The following TRIOBP variants were observed in gnomAD, a reference collection of about 807,000 sequenced individuals.
TRIOBP encodes TRIO and F-actin binding protein.
In TRIOBP, 169 loss-of-function variants were observed where a neutral mutation model predicts 238.8. That is an observed-to-expected ratio of 0.71 (90% CI 0.62 to 0.80). The LOEUF (loss-of-function observed/expected upper bound fraction) is 0.80, where lower values mean the gene tolerates loss of function less well. TRIOBP is among the 30% of genes least tolerant of loss of function. The pLI, the probability that TRIOBP is intolerant of heterozygous loss-of-function variation, is 0.00. For missense variants in TRIOBP, 2,838 were observed against 3,122.6 expected, an observed-to-expected ratio of 0.91 and a Z score of 2.17; for synonymous variants, 1,150 against 1,274.4, an observed-to-expected ratio of 0.90 and a Z score of 2.08.
chr22:37,698,354 CTTTTTTT>C (rs1175913171), intron 2 of TRIOBP, among the ~76,000 whole-genome samples: 4 of 57,930 alleles, frequency 6.9e-5, no homozygotes, highest in African/African-American at 1.4e-4. Context: ...CTGCAAGAGC[CTTTTTTT>C]TTTTTTTTTT....
In TRIOBP at chr22:37,734,369, GCCTCACCTACCC is replaced by G. The variant is rs1337418049; in HGVS notation, c.4063-21_4063-10del. 3 of 1,601,850 alleles carry G rather than the reference GCCTCACCTACCC, an allele frequency of 1.9e-6. No individual in the cohort carries two copies. The highest frequency in any genetic ancestry group is 3.4e-5 in the Admixed American group (2 of 59,572). On this transcript the variant is annotated intron_variant, in intron 8 of 23. Coordinates refer to ENST00000644935, the MANE Select transcript of TRIOBP (RefSeq NM_001039141.3). Reference sequence around the variant, plus strand: ...TGGCAGCCAGGTCCCCAGAGAGAGAGCCTCACCTACCCCCTCACCTCATCCCCAGGTGACCAT... The same window carrying G: ...TGGCAGCCAGGTCCCCAGAGAGAGAGCCTCACCTCATCCCCAGGTGACCAT...
chr22:37,720,719 C>T (rs1470471884), intron 6 of TRIOBP, among the ~76,000 whole-genome samples: 1 of 151,968 alleles, frequency 6.6e-6, no homozygotes, highest in African/African-American at 2.4e-5. Context: ...CACTATGTTG[C>T]CCAGGCTGGT....
At chr22:37,763,856 C>T (rs1291249153) in intron 17 of TRIOBP, among the ~76,000 whole-genome samples, 3 of 152,228 alleles carry the variant, frequency 2.0e-5, no homozygotes, top group Non-Finnish European at 4.4e-5. Flanking sequence ...TGCCGCGCTG[C>T]AGCCAAGGCG....
At position 37,726,319 on chromosome 22, in the gene TRIOBP, T is replaced by C. The variant is rs763900032; in HGVS notation, c.3763T>C (p.Ser1255Pro). The C allele has an allele frequency of 2.5e-6, 4 of 1,612,404 alleles. No homozygotes were observed. In the South Asian group the frequency reaches 4.4e-5, roughly 18 times the overall value. ...SPGSSGGSRG[S>P]APPGETRHNL... ...GGGCAGCTCTGGGGGCTCCCGGGGC[T>C]CAGCGCCTCCCGGGGAGACCAGGCA... Residue 1255 changes from serine to proline, a missense_variant, in exon 7 of 24, where the codon TCA (serine) becomes CCA (proline). By Grantham distance (74) the Ser-to-Pro change is moderately conservative. Around this residue, in one of 5 missense-constraint regions of TRIOBP, gnomAD observed 2,096 missense variants for 2,137.4 expected, o/e 0.98. Coordinates refer to ENST00000644935, the MANE Select transcript of TRIOBP (RefSeq NM_001039141.3).
At position 37,772,769 on chromosome 22, in the gene TRIOBP, A is replaced by C. The variant is rs746511251; in HGVS notation, c.*2+5A>C. ...CAACAGCCTGGCTGAGTAGAGGTGG[A>C]TGCCGAGGCGTGTGCCCTGCAGGGT... On this transcript the variant is annotated splice_donor_5th_base_variant and intron_variant, in intron 23 of 23. Coordinates refer to ENST00000644935, the MANE Select transcript of TRIOBP (RefSeq NM_001039141.3). 1 of 1,612,324 alleles carries C rather than the reference A, an allele frequency of 6.2e-7. No homozygotes were observed. Among genetic ancestry groups the C allele is most frequent in the Non-Finnish European group, 8.5e-7 (1 of 1,179,874 alleles).
At chr22:37,770,220 C>T (rs1367122703) in intron 21 of TRIOBP, among the ~76,000 whole-genome samples, 2 of 149,460 alleles carry the variant, frequency 1.3e-5, no homozygotes, top group African/African-American at 2.5e-5. Context: ...GGGCAGATCA[C>T]GAGGTAGGAG....
chr22:37,757,676 G>T lies in TRIOBP; in HGVS notation c.5751G>T (p.Lys1917Asn). 6.3e-7 allele frequency: 1 copy of T among 1,590,682 alleles called. No homozygotes were observed. ...HSYSTQKGPL[K>N]AGEQRAGSEV... ...ACAGCACCCAGAAGGGCCCCCTGAA[G>T]GCAGGGGAGCAGCGGGCGGGCTCTG... The change falls in exon 16 of 24, where the codon AAG (lysine) becomes AAT (asparagine). Residue 1917 changes from lysine (K) to asparagine (N), a missense_variant. By Grantham distance (94) the Lys-to-Asn change is moderately conservative. Around this residue, in one of 5 missense-constraint regions of TRIOBP, gnomAD observed 2,096 missense variants for 2,137.4 expected, o/e 0.98. Transcript: ENST00000644935.
At position 37,717,552 on chromosome 22, in the gene TRIOBP, C is replaced by G. The variant is rs1003256941; in HGVS notation, c.628+1618C>G. On this transcript the variant is annotated intron_variant, in intron 6 of 23. Transcript: ENST00000644935. ...GTTCTCCACATCCCCACTAGATTAG[C>G]TAGATACAGTGTCCACACAAAGGTT... Among the ~76,000 whole-genome samples, 20 of 152,188 alleles carry G rather than the reference C, an allele frequency of 1.3e-4. 1 individual carries two copies. The highest frequency in any genetic ancestry group is 2.9e-4 in the Non-Finnish European group (20 of 68,030).
chr22:37,750,135 A>G (rs145487134), intron 11 of TRIOBP, among the ~76,000 whole-genome samples: 1 of 152,306 alleles, frequency 6.6e-6, no homozygotes, highest in African/African-American at 2.4e-5. Flanking sequence ...CATTTGCCAC[A>G]TCAGGCAGCC....
chr22:37,771,548 A>T, intron 21 of TRIOBP, 102 bp from the exon 22 acceptor site: 1 of 1,036,298 alleles, frequency 9.6e-7, no homozygotes, highest in Non-Finnish European at 1.5e-6. Flanking sequence ...TAGGGGCTGC[A>T]TTCTAGGGGC....
intron 7 of TRIOBP, 108 bp downstream of exon 7, chr22:37,726,611 C>A: frequency 8.5e-7 from 1 of 1,175,514 alleles, no homozygotes; most frequent in Non-Finnish European, 1.1e-6. Flanking sequence ...CCCTGGCTTG[C>A]CATTTACCGG....
intron 6 of TRIOBP, among the ~76,000 whole-genome samples, chr22:37,721,776 C>A (rs1185204597): frequency 6.6e-6 from 1 of 152,208 alleles, no homozygotes; most frequent in Non-Finnish European, 1.5e-5. Flanking sequence ...CCACCACACC[C>A]ATAGTTGTGG....
intron 12 of TRIOBP, among the ~76,000 whole-genome samples, chr22:37,753,194 A>G (rs1925713231): frequency 6.6e-6 from 1 of 152,238 alleles, no homozygotes; most frequent in Admixed American, 6.5e-5. Context: ...GCCAAGGGCC[A>G]TGACAGCCAT....
intron 18 of TRIOBP, among the ~76,000 whole-genome samples, chr22:37,767,236 G>A (rs942450200): frequency 1.2e-5 from 1 of 82,712 alleles, no homozygotes; most frequent in African/African-American, 3.3e-5. Context: ...GGGTGACAGA[G>A]TGAGACTCCG....
Position 37,741,015 on chromosome 22 carries a change from G to A in TRIOBP, c.5305G>A (p.Val1769Ile), listed in dbSNP as rs995796550. The change falls in exon 11 of 24, where the codon GTC becomes ATC. Residue 1769 changes from valine (V) to isoleucine (I), a missense_variant. Val to Ile is a conservative substitution (Grantham distance 29). Around this residue, in one of 5 missense-constraint regions of TRIOBP, gnomAD observed 2,096 missense variants for 2,137.4 expected, o/e 0.98. Coordinates refer to ENST00000644935, the MANE Select transcript of TRIOBP (RefSeq NM_001039141.3). ...CAATCCGTTCCTGCTGTCTCTGGGG[G>A]TCCTCAGGTGGCGAAGGGTAGGCTG... ...LFNPFLLSLG[V>I]LRWRRPDLLN... is the part of the protein sequence containing the mutation. 7.7e-6 allele frequency: 12 copies of A among 1,562,102 alleles called. No individual in the cohort carries two copies. Among genetic ancestry groups the A allele is most frequent in the Non-Finnish European group, 1.0e-5 (12 of 1,152,624 alleles).
chr22:37,759,221 G>T lies in TRIOBP; in HGVS notation c.6281G>T (p.Arg2094Ile), dbSNP rs1926108198. ...GGGGAGGCTCCTCAGAGTGCACTGA[G>T]ATCCCAGGAGGATGGCCACATCCCC... is the stretch of plus-strand genomic sequence containing the variant. ...LQGEAPQSAL[R>I]SQEDGHIPPG... is the part of the protein sequence containing the mutation. Residue 2094 changes from arginine to isoleucine, a missense_variant, in exon 17 of 24, where the codon AGA becomes ATA. Around this residue, in one of 5 missense-constraint regions of TRIOBP, gnomAD observed 2,096 missense variants for 2,137.4 expected, o/e 0.98. Coordinates refer to ENST00000644935, the MANE Select transcript of TRIOBP (RefSeq NM_001039141.3). 3.1e-6 allele frequency: 5 copies of T among 1,613,108 alleles called. No individual in the cohort carries two copies. In the East Asian group the frequency reaches 1.1e-4, roughly 36 times the overall value.
intron 17 of TRIOBP, 192 bp downstream of exon 17, chr22:37,759,456 C>A (rs747170301): frequency 6.9e-5 from 103 of 1,487,492 alleles, no homozygotes; most frequent in Non-Finnish European, 9.5e-5. Context: ...ACAGACAAGG[C>A]CACTGAGCTC....
rs1159512184 is a variant in TRIOBP, at chr22:37,757,703, G to A, written c.5778G>A (p.Glu1926=). 2 of 1,583,574 alleles carry A rather than the reference G, an allele frequency of 1.3e-6. No individual in the cohort carries two copies. The highest frequency in any genetic ancestry group is 1.7e-6 in the Non-Finnish European group (2 of 1,166,094). The change falls in exon 16 of 24, where the codon GAG becomes GAA. Residue 1926 remains glutamate, a synonymous_variant. Coordinates refer to ENST00000644935, the MANE Select transcript of TRIOBP (RefSeq NM_001039141.3). ...CAGGGGAGCAGCGGGCGGGCTCTGA[G>A]GTCATCAGCCGGGGTGGCCCTCGGA... ...LKAGEQRAGS[E]VISRGGPRKA...
intron 3 of TRIOBP, among the ~76,000 whole-genome samples, chr22:37,707,999 C>CT (rs1201672775): frequency 6.6e-6 from 1 of 150,646 alleles, no homozygotes; most frequent in Non-Finnish European, 1.5e-5. Context: ...GTAATCCCAG[C>CT]ACTTTGGGAG....
Sources: gnomAD v4.1 joint callset for allele counts (sites outside exome capture counted in the v4.1 genomes callset) on GRCh38, gnomAD v4.1.1 for gene constraint, gnomAD v4.1.1 regional missense constraint, MANE v1.5 for transcripts, NCBI Gene and HGNC (gene_info 2026-07-23, HGNC 2026-07-21) for gene names.